PTPRO: variants seen among roughly 807,000 people sequenced by gnomAD.
PTPRO encodes the protein receptor-type tyrosine-protein phosphatase O.
Under a neutral mutation model 145.2 loss-of-function variants are expected in PTPRO, and 62 were observed. The observed-to-expected ratio is 0.43, with a 90% confidence interval of 0.35 to 0.53. The LOEUF (loss-of-function observed/expected upper bound fraction) is 0.53. Ranked by LOEUF, PTPRO falls within the 20% of genes least tolerant of loss-of-function variation. PTPRO has a pLI of 0.01. For synonymous variants in PTPRO, 565 were observed against 514.7 expected, an observed-to-expected ratio of 1.10 and a Z score of -1.32; for missense variants, 1,345 against 1,482.7, an observed-to-expected ratio of 0.91 and a Z score of 1.53.
intron 1 of PTPRO, among the ~76,000 whole-genome samples, chr12:15,415,353 T>C (rs1939919187): frequency 6.6e-6 from 1 of 151,538 alleles, no homozygotes. Context: ...CCACTTTTCC[T>C]TACATAAATC....
chr12:15,462,543 C>T (rs1941328798), intron 1 of PTPRO, among the ~76,000 whole-genome samples: 1 of 152,148 alleles, frequency 6.6e-6, no homozygotes, highest in African/African-American at 2.4e-5. Context: ...TTATTTGTAA[C>T]TTATCTCTGT....
chr12:15,348,731 T>C (rs1339107238), intron 1 of PTPRO: 1 of 150,144 alleles, frequency 6.7e-6, no homozygotes, highest in Non-Finnish European at 1.5e-5. Flanking sequence ...GAGCCTGCCG[T>C]GAGCCGAGCT....
intron 23 of PTPRO, among the ~76,000 whole-genome samples, chr12:15,585,467 G>A (rs942616964): frequency 2.6e-5 from 4 of 152,142 alleles, no homozygotes; most frequent in African/African-American, 9.7e-5. Flanking sequence ...ATGCTGCTGG[G>A]GATATATTAG....
intron 1 of PTPRO, among the ~76,000 whole-genome samples, chr12:15,442,992 C>A (rs1940810461): frequency 6.6e-6 from 1 of 151,930 alleles, no homozygotes; most frequent in Non-Finnish European, 1.5e-5. Flanking sequence ...TTTATACAGA[C>A]CAAAAAAGAG....
intron 25 of PTPRO, among the ~76,000 whole-genome samples, chr12:15,593,910 A>G (rs903777572): frequency 1.3e-5 from 2 of 152,130 alleles, no homozygotes; most frequent in Admixed American, 6.5e-5. Context: ...GCATATTTTA[A>G]TATTTCCTCA....
At chr12:15,378,999 G>T (rs1938772496) in intron 1 of PTPRO, among the ~76,000 whole-genome samples, 1 of 152,050 alleles carries the variant, frequency 6.6e-6, no homozygotes, top group Non-Finnish European at 1.5e-5. Flanking sequence ...ACCCACTGGG[G>T]ACAGCTATGA....
intron 3 of PTPRO, among the ~76,000 whole-genome samples, chr12:15,498,880 T>G (rs1942161739): frequency 6.6e-6 from 1 of 152,212 alleles, no homozygotes; most frequent in South Asian, 2.1e-4. Flanking sequence ...TTTAGTTTTG[T>G]TCTCTCATTT....
At chr12:15,350,695 G>A (rs1356287385) in intron 1 of PTPRO, among the ~76,000 whole-genome samples, 1 of 152,224 alleles carries the variant, frequency 6.6e-6, no homozygotes, top group Admixed American at 6.5e-5. Context: ...AGAAAGGGAA[G>A]CAGCCACTAA....
rs538104549 is a variant in PTPRO at position 15,329,685 on chromosome 12, A to G, written c.75+6884A>G. Among the ~76,000 whole-genome samples the G allele has an allele frequency of 5.0e-4, 76 of 152,296 alleles. No individual in the cohort carries two copies. In the Middle Eastern group the frequency reaches 0.017, roughly 34 times the overall value. On this transcript the variant is annotated intron_variant, in intron 1 of 26. Coordinates refer to ENST00000281171, the MANE Select transcript of PTPRO (RefSeq NM_030667.3). ...TAATATGTGCCAGGAATTTTACTAG[A>G]TATTATAGGTACAGAAGTGGATAAT...
intron 13 of PTPRO, among the ~76,000 whole-genome samples, chr12:15,547,460 G>C (rs541015101): frequency 1.4e-4 from 22 of 152,296 alleles, no homozygotes; most frequent in Admixed American, 2.0e-4. Context: ...CTAATACTGC[G>C]AACATAAGTA....
Position 15,546,627 on chromosome 12 carries a change from G to A in PTPRO, c.2223G>A (p.Leu741=). The change falls in exon 13 of 27, where the codon TTG becomes TTA. Residue 741 remains leucine (L), a synonymous_variant. Transcript: ENST00000281171. The stretch of plus-strand genomic sequence containing the variant: ...ACAAAACCCAGACTTCAGTGACTTT[G>A]CTGTGGGTGGAAGAGGGAGTAGCTG... ...AVNKTQTSVT[L]LWVEEGVADF... The A allele has an allele frequency of 1.2e-6, 2 of 1,613,730 alleles. No individual in the cohort carries two copies. Among genetic ancestry groups the A allele is most frequent in the Non-Finnish European group, 1.7e-6 (2 of 1,179,812 alleles).
chr12:15,573,675 C>T (rs1355180547), intron 19 of PTPRO, among the ~76,000 whole-genome samples: 2 of 152,142 alleles, frequency 1.3e-5, no homozygotes, highest in African/African-American at 4.8e-5. Flanking sequence ...CTAACATTTG[C>T]TCAAGCAGTG....
At chr12:15,484,435 G>A (rs1941844522) in intron 2 of PTPRO, among the ~76,000 whole-genome samples, 188 bp downstream of exon 2, 1 of 151,966 alleles carries the variant, frequency 6.6e-6, no homozygotes, top group Admixed American at 6.6e-5. Context: ...TTTACCTTGT[G>A]ATAACAAAAA....
Position 15,439,848 on chromosome 12 carries a change from T to A in PTPRO, c.76-44126T>A, listed in dbSNP as rs371348792. ...TCTCTCAAGAACAAGGATTTGAAGA[T>A]TATGATGGTGCAGAAGCAGACCCAC... On this transcript the variant is annotated intron_variant, in intron 1 of 26. Coordinates refer to ENST00000281171, the MANE Select transcript of PTPRO (RefSeq NM_030667.3). The A allele has an allele frequency of 5.1e-5, 32 of 624,494 alleles. No homozygotes were observed. In the East Asian group the frequency reaches 5.2e-4, roughly 10 times the overall value. The allele number at this position is 624,494 out of a possible 1,614,324, so 38.7% of individuals were successfully genotyped here. A position where few individuals can be genotyped will look rare whatever the true frequency, so the allele number is the denominator to read the frequency against.
intron 1 of PTPRO, among the ~76,000 whole-genome samples, chr12:15,391,146 G>C (rs182548307): frequency 5.3e-5 from 8 of 152,268 alleles, no homozygotes; most frequent in African/African-American, 1.9e-4. Flanking sequence ...ACTGTGGGAG[G>C]ATGTAAACAT....
At chr12:15,506,410 A>G (rs1254705652) in intron 6 of PTPRO, among the ~76,000 whole-genome samples, 1 of 152,218 alleles carries the variant, frequency 6.6e-6, no homozygotes, top group East Asian at 1.9e-4. Flanking sequence ...TTTCCTCATC[A>G]GCAAATGTGT....
intron 1 of PTPRO, among the ~76,000 whole-genome samples, chr12:15,481,977 A>G (rs1257371617): frequency 6.6e-6 from 1 of 152,172 alleles, no homozygotes; most frequent in African/African-American, 2.4e-5. Flanking sequence ...AAATAGAACT[A>G]CCATATGATC....
At chr12:15,386,652 G>GATGCACT (rs1939038438) in intron 1 of PTPRO, among the ~76,000 whole-genome samples, 1 of 152,072 alleles carries the variant, frequency 6.6e-6, no homozygotes, top group African/African-American at 2.4e-5. Context: ...GTATAATATA[G>GATGCACT]GTTTTCCATA....
At chr12:15,403,500 G>A (rs1040654493) in intron 1 of PTPRO, among the ~76,000 whole-genome samples, 10 of 152,104 alleles carry the variant, frequency 6.6e-5, no homozygotes, top group South Asian at 6.2e-4. Flanking sequence ...GGAGAATGGC[G>A]TGAACCCGGC....
Sources: gnomAD v4.1 joint callset for allele counts (sites outside exome capture counted in the v4.1 genomes callset) on GRCh38, gnomAD v4.1.1 for gene constraint, MANE v1.5 for transcripts, NCBI Gene and HGNC (gene_info 2026-07-23, HGNC 2026-07-21) for gene names.